The following CLYBL variants were observed in gnomAD, a reference collection of about 807,000 sequenced individuals.
CLYBL encodes citramalyl-CoA lyase.
In CLYBL, 31 loss-of-function variants were observed where a neutral mutation model predicts 38.9. The ratio of observed to expected loss-of-function variants is 0.80; its 90% CI spans 0.60 to 1.08. The LOEUF (loss-of-function observed/expected upper bound fraction) is 1.08. Ranked by LOEUF, CLYBL falls within the 50% of genes least tolerant of loss-of-function variation. The pLI, the probability that CLYBL is intolerant of heterozygous loss-of-function variation, is 0.00. For synonymous variants in CLYBL, 171 were observed against 158.6 expected, an observed-to-expected ratio of 1.08 and a Z score of -0.59; for missense variants, 434 against 411.6, an observed-to-expected ratio of 1.05 and a Z score of -0.47.
intron 2 of CLYBL, among the ~76,000 whole-genome samples, chr13:99,824,811 G>C (rs562473482): frequency 3.3e-4 from 50 of 152,350 alleles, no homozygotes; most frequent in African/African-American, 1.2e-3. Context: ...CCACTGAGCA[G>C]AAGTGTTTAA....
intron 1 of CLYBL, among the ~76,000 whole-genome samples, chr13:99,662,239 T>A (rs2139335078): frequency 6.6e-6 from 1 of 152,380 alleles, no homozygotes; most frequent in South Asian, 2.1e-4. Context: ...AGCACAGATT[T>A]AATTGTGCCG....
chr13:99,743,602 T>C (rs61974436), intron 1 of CLYBL, among the ~76,000 whole-genome samples: 4,360 of 152,290 alleles, frequency 0.029, 77 homozygotes, highest in Middle Eastern at 0.12. Context: ...ATGCACACTC[T>C]GTGGCTGTAC....
At chr13:99,607,153 G>A (rs1012151850) in intron 1 of CLYBL, among the ~76,000 whole-genome samples, 2 of 152,106 alleles carry the variant, frequency 1.3e-5, no homozygotes, top group African/African-American at 2.4e-5. Context: ...CCGTTTACAC[G>A]TCTAAAAATA....
chr13:99,806,160 A>G (rs1340447702), intron 2 of CLYBL, among the ~76,000 whole-genome samples: 2 of 152,330 alleles, frequency 1.3e-5, no homozygotes, highest in Non-Finnish European at 2.9e-5. Flanking sequence ...TACCAAATCA[A>G]TGGGTACAAA....
intron 2 of CLYBL, among the ~76,000 whole-genome samples, chr13:99,799,468 A>G (rs2050088685): frequency 6.6e-6 from 1 of 152,130 alleles, no homozygotes; most frequent in South Asian, 2.1e-4. Context: ...ATTGGTTTTC[A>G]CATGCTGGTG....
intron 2 of CLYBL, among the ~76,000 whole-genome samples, chr13:99,821,666 A>G (rs1315201518): frequency 6.6e-6 from 1 of 152,258 alleles, no homozygotes; most frequent in Non-Finnish European, 1.5e-5. Context: ...AGTTCTCTTC[A>G]TAAAAAGTTG....
intron 2 of CLYBL, among the ~76,000 whole-genome samples, chr13:99,810,235 C>T (rs1278425903): frequency 6.6e-6 from 1 of 152,204 alleles, no homozygotes; most frequent in Non-Finnish European, 1.5e-5. Context: ...AGACATACAT[C>T]ATTCCAGTGG....
chr13:99,751,709 G>A (rs1053370599), intron 1 of CLYBL, among the ~76,000 whole-genome samples: 1 of 152,210 alleles, frequency 6.6e-6, no homozygotes, highest in African/African-American at 2.4e-5. Flanking sequence ...ATTGAGTTTT[G>A]CAAGATGAAG....
chr13:99,618,213 A>G (rs1185667173), intron 1 of CLYBL, among the ~76,000 whole-genome samples: 1 of 152,296 alleles, frequency 6.6e-6, no homozygotes, highest in South Asian at 2.1e-4. Flanking sequence ...GAGTGTTTCT[A>G]AAGATTTAGT....
chr13:99,831,863 A>T (rs561154214), intron 2 of CLYBL, among the ~76,000 whole-genome samples: 1 of 152,114 alleles, frequency 6.6e-6, no homozygotes, highest in East Asian at 1.9e-4. Context: ...GGTTTAGGGT[A>T]TTTTTAGCTT....
intron 1 of CLYBL, among the ~76,000 whole-genome samples, chr13:99,625,501 G>A (rs2046856929): frequency 1.3e-5 from 2 of 152,184 alleles, no homozygotes; most frequent in Non-Finnish European, 2.9e-5. Context: ...AATAATTTGA[G>A]GGATTATTGT....
At chr13:99,859,655 A>G (rs2051550488) in intron 3 of CLYBL, among the ~76,000 whole-genome samples, 1 of 152,206 alleles carries the variant, frequency 6.6e-6, no homozygotes, top group African/African-American at 2.4e-5. Flanking sequence ...GTGTTTCATG[A>G]CAGACTTTTC....
At chr13:99,894,301 G>T (rs868120068), downstream of CLYBL, 17 of 152,282 alleles carry the variant, frequency 1.1e-4, no homozygotes, top group African/African-American at 4.1e-4. Context: ...CCCCGACACG[G>T]GGAAGTGAGA....
At chr13:99,754,010 C>T (rs888719835) in intron 1 of CLYBL, among the ~76,000 whole-genome samples, 27 of 132,030 alleles carry the variant, frequency 2.0e-4, no homozygotes, top group Admixed American at 6.3e-4. Context: ...TCGCTTGAAC[C>T]GGGGAGGCAG....
chr13:99,691,693 GA>G (rs1478815019), intron 1 of CLYBL, among the ~76,000 whole-genome samples: 1 of 152,168 alleles, frequency 6.6e-6, no homozygotes, highest in Non-Finnish European at 1.5e-5. Context: ...GAGAAAGCTT[GA>G]AACTTAGACT....
At chr13:99,649,889 A>G (rs1034676310) in intron 1 of CLYBL, among the ~76,000 whole-genome samples, 6 of 150,660 alleles carry the variant, frequency 4.0e-5, no homozygotes, top group African/African-American at 9.8e-5. Flanking sequence ...AAAAAGTTAT[A>G]TGATGCTTCA....
chr13:99,784,449 C>CTCTTGTTTTTTTTTTT (rs71121010), intron 2 of CLYBL, among the ~76,000 whole-genome samples: 42 of 52,122 alleles, frequency 8.1e-4, no homozygotes, highest in Admixed American at 1.7e-3. Context: ...AAAATTCTCT[C>CTCTTGTTTTTTTTTTT]TTTTTTTTTT....
intron 1 of CLYBL, among the ~76,000 whole-genome samples, chr13:99,631,745 C>T (rs965408465): frequency 3.9e-5 from 6 of 151,938 alleles, no homozygotes; most frequent in African/African-American, 7.3e-5. Context: ...ACTACAGGCA[C>T]GCACCACCAC....
chr13:99,801,536 T>C (rs528830185), intron 2 of CLYBL, among the ~76,000 whole-genome samples: 25 of 152,262 alleles, frequency 1.6e-4, no homozygotes, highest in African/African-American at 6.0e-4. Flanking sequence ...AAAAGAATTC[T>C]CCTTGAAGTT....
Sources: gnomAD v4.1 joint callset for allele counts (sites outside exome capture counted in the v4.1 genomes callset) on GRCh38, gnomAD v4.1.1 for gene constraint, MANE v1.5 for transcripts, NCBI Gene and HGNC (gene_info 2026-07-23, HGNC 2026-07-21) for gene names.